EML4: variants seen among roughly 807,000 people sequenced by gnomAD.
The protein encoded by EML4 is echinoderm microtubule-associated protein-like 4.
EML4 carries 72 observed loss-of-function variants against 129.0 expected under a neutral mutation model. That is an observed-to-expected ratio of 0.56 (90% confidence interval 0.46 to 0.68). The LOEUF is 0.68. Ranked by LOEUF, EML4 falls within the 30% of genes least tolerant of loss-of-function variation. The pLI is 0.00. For synonymous variants in EML4, 532 were observed against 405.0 expected (o/e 1.31, Z -3.77); for missense variants, 1,363 against 1,190.6 (o/e 1.14, Z -2.13).
intron 2 of EML4, among the ~76,000 whole-genome samples, chr2:42,252,009 G>T (rs17029411): frequency 6.6e-6 from 1 of 152,022 alleles, no homozygotes; most frequent in Non-Finnish European, 1.5e-5. Context: ...TTGAATGCCA[G>T]AAGAAGTTAG....
chr2:42,308,978 TA>T (rs1668774750), intron 17 of EML4, among the ~76,000 whole-genome samples: 1 of 152,152 alleles, frequency 6.6e-6, no homozygotes, highest in Non-Finnish European at 1.5e-5. Flanking sequence ...CTGATGGACA[TA>T]GGGGTTATTT....
At chr2:42,245,484 A>G in intron 1 of EML4, 21 bp from the exon 2 acceptor site, 1 of 1,538,770 alleles carries the variant, frequency 6.5e-7, no homozygotes, top group South Asian at 1.2e-5. Context: ...AAAATATTCC[A>G]TATTTTATTT....
chr2:42,200,079 G>T (rs1480298593), intron 1 of EML4, among the ~76,000 whole-genome samples: 2 of 151,480 alleles, frequency 1.3e-5, no homozygotes, highest in Admixed American at 1.3e-4. Context: ...GGAGGCCAAG[G>T]CGGGCAGATC....
At chr2:42,202,444 A>G (rs947430129) in intron 1 of EML4, among the ~76,000 whole-genome samples, 2 of 152,192 alleles carry the variant, frequency 1.3e-5, no homozygotes, top group Admixed American at 1.3e-4. Context: ...CTAGAGGGAC[A>G]GAAGTAACAG....
chr2:42,298,472 A>G (rs903491394), intron 13 of EML4, among the ~76,000 whole-genome samples: 2 of 152,240 alleles, frequency 1.3e-5, no homozygotes, highest in African/African-American at 4.8e-5. Context: ...AAATATCAGA[A>G]ATACAGGCCC....
intron 1 of EML4, among the ~76,000 whole-genome samples, chr2:42,177,615 C>A (rs1365628374): frequency 6.6e-6 from 1 of 152,030 alleles, no homozygotes; most frequent in African/African-American, 2.4e-5. Context: ...ACAGCGAGAC[C>A]CCGTCTCAAA....
At chr2:42,312,331 A>G (rs1669005595) in intron 17 of EML4, among the ~76,000 whole-genome samples, 1 of 152,150 alleles carries the variant, frequency 6.6e-6, no homozygotes. Context: ...TCAGGCCGTA[A>G]CAGGAAGGGA....
At chr2:42,211,230 A>T (rs893804460) in intron 1 of EML4, among the ~76,000 whole-genome samples, 1 of 152,188 alleles carries the variant, frequency 6.6e-6, no homozygotes, top group South Asian at 2.1e-4. Context: ...GTCTGTAAGC[A>T]TGGCTGAAAA....
At chr2:42,194,550 C>A (rs911176996) in intron 1 of EML4, among the ~76,000 whole-genome samples, 2 of 150,736 alleles carry the variant, frequency 1.3e-5, no homozygotes, top group African/African-American at 4.9e-5. Flanking sequence ...AGGTCTTGCC[C>A]TGTTGCCCAG....
At chr2:42,231,129 C>T (rs1454989130) in intron 1 of EML4, among the ~76,000 whole-genome samples, 1 of 152,214 alleles carries the variant, frequency 6.6e-6, no homozygotes, top group Admixed American at 6.5e-5. Context: ...TGCTTCTGTT[C>T]CCATGACTCC....
intron 2 of EML4, among the ~76,000 whole-genome samples, chr2:42,251,196 G>C (rs1005815100): frequency 2.0e-5 from 3 of 152,202 alleles, no homozygotes; most frequent in Non-Finnish European, 4.4e-5. Flanking sequence ...ATAGTCTGTT[G>C]CTCCTAGGTT....
intron 13 of EML4, 150 bp downstream of exon 13, chr2:42,295,666 T>C (rs1667906038): frequency 8.0e-6 from 5 of 622,012 alleles, no homozygotes. Context: ...CTTCATAATC[T>C]TTTTTTAATG....
intron 2 of EML4, among the ~76,000 whole-genome samples, chr2:42,250,841 T>C (rs1675718350): frequency 6.6e-6 from 1 of 152,178 alleles, no homozygotes; most frequent in South Asian, 2.1e-4. Flanking sequence ...CTCACCATAA[T>C]GTAGAATCGT....
chr2:42,266,209 A>G (rs1411670942), intron 6 of EML4, among the ~76,000 whole-genome samples: 1 of 152,238 alleles, frequency 6.6e-6, no homozygotes, highest in African/African-American at 2.4e-5. Context: ...TTCTAAATGA[A>G]GTTGAATTTT....
At chr2:42,272,579 G>A (rs550446318) in intron 6 of EML4, among the ~76,000 whole-genome samples, 13 of 152,122 alleles carry the variant, frequency 8.5e-5, no homozygotes, top group African/African-American at 2.9e-4. Flanking sequence ...CACTGTGCCC[G>A]GCCTGGACAG....
intron 1 of EML4, among the ~76,000 whole-genome samples, chr2:42,224,143 A>G (rs1351692287): frequency 6.6e-6 from 1 of 152,120 alleles, no homozygotes; most frequent in Admixed American, 6.5e-5. Context: ...AGTTGTGCAC[A>G]ATCCATTTTA....
At chr2:42,235,188 C>A (rs1347701804) in intron 1 of EML4, among the ~76,000 whole-genome samples, 1 of 151,732 alleles carries the variant, frequency 6.6e-6, no homozygotes, top group Admixed American at 6.6e-5. Context: ...CCCAGCTACC[C>A]GGGAGGCTAA....
At chr2:42,296,683 T>C (rs1667975616) in intron 13 of EML4, among the ~76,000 whole-genome samples, 1 of 152,184 alleles carries the variant, frequency 6.6e-6, no homozygotes, top group Non-Finnish European at 1.5e-5. Context: ...ATTAAGGAAA[T>C]AACTTTCATC....
chr2:42,263,419 T>C, intron 5 of EML4, 113 bp downstream of exon 5: 1 of 1,048,330 alleles, frequency 9.5e-7, no homozygotes, highest in East Asian at 3.2e-5. Context: ...TTTTTTTTTT[T>C]TTTTGTGACA....
Sources: gnomAD v4.1 joint callset for allele counts (sites outside exome capture counted in the v4.1 genomes callset) on GRCh38, gnomAD v4.1.1 for gene constraint, MANE v1.5 for transcripts, NCBI Gene and HGNC (gene_info 2026-07-23, HGNC 2026-07-21) for gene names.